Variants in ADARB2 observed in about 807,000 individuals in gnomAD.
ADARB2 encodes inactive double-stranded RNA-specific editase B2.
A neutral mutation model predicts 62.2 loss-of-function variants in ADARB2; 25 were observed. The observed-to-expected ratio is 0.40, with a 90% CI of 0.29 to 0.56. ADARB2 has a LOEUF of 0.56. ADARB2 is among the 20% of genes least tolerant of loss of function. The probability of loss-of-function intolerance (pLI) is 0.43; values close to 1 mark genes in which losing one functional copy is unlikely to be tolerated. For missense variants in ADARB2, 1,071 were observed against 1,077.4 expected (o/e 0.99, Z 0.08); for synonymous variants, 572 against 500.8 (o/e 1.14, Z -1.90).
chr10:1,269,353 G>A (rs566138660), intron 4 of ADARB2, among the ~76,000 whole-genome samples: 17 of 152,294 alleles, frequency 1.1e-4, no homozygotes, highest in African/African-American at 4.1e-4. Flanking sequence ...ACAAGGGTAG[G>A]CATTTGGTCT....
intron 1 of ADARB2, among the ~76,000 whole-genome samples, chr10:1,667,082 A>AG (rs1834325693): frequency 1.3e-5 from 2 of 152,256 alleles, no homozygotes. Context: ...CACTTACAGT[A>AG]AGTACATTTG....
At chr10:1,447,636 A>C (rs1267355369) in intron 1 of ADARB2, among the ~76,000 whole-genome samples, 1 of 151,964 alleles carries the variant, frequency 6.6e-6, no homozygotes. Flanking sequence ...ATACAGGTAA[A>C]CTTGTGTCAC....
intron 7 of ADARB2, among the ~76,000 whole-genome samples, chr10:1,208,856 A>G (rs1299436887): frequency 6.6e-6 from 1 of 152,208 alleles, no homozygotes; most frequent in East Asian, 1.9e-4. Flanking sequence ...CCATTGGCCC[A>G]GGAAGAGGGG....
chr10:1,659,660 C>T (rs1834219512), intron 1 of ADARB2, among the ~76,000 whole-genome samples: 1 of 152,250 alleles, frequency 6.6e-6, no homozygotes, highest in African/African-American at 2.4e-5. Context: ...TCGCCTATGC[C>T]CACATCTGCA....
At chr10:1,480,906 G>T (rs750708788) in intron 1 of ADARB2, among the ~76,000 whole-genome samples, 6 of 152,186 alleles carry the variant, frequency 3.9e-5, no homozygotes, top group Non-Finnish European at 7.3e-5. Context: ...GTAATCCACA[G>T]ATTCAATGTA....
chr10:1,364,871 A>ATTTT (rs35539783), intron 2 of ADARB2, among the ~76,000 whole-genome samples: 2 of 127,342 alleles, frequency 1.6e-5, no homozygotes, highest in South Asian at 2.7e-4. Context: ...CATTTTGGTA[A>ATTTT]TTTTTTTTTT....
intron 1 of ADARB2, among the ~76,000 whole-genome samples, chr10:1,728,953 A>G (rs1388354366): frequency 1.8e-4 from 28 of 152,210 alleles, no homozygotes; most frequent in Admixed American, 1.8e-3. Flanking sequence ...TGCTTATCCT[A>G]GTACTTTTCC....
chr10:1,616,578 GC>G, intron 1 of ADARB2, among the ~76,000 whole-genome samples: 2 of 143,616 alleles, frequency 1.4e-5, no homozygotes, highest in Non-Finnish European at 3.0e-5. Flanking sequence ...GCACCACCCT[GC>G]TGTGCTCTGC....
intron 1 of ADARB2, among the ~76,000 whole-genome samples, chr10:1,694,678 A>G (rs1422395826): frequency 6.6e-6 from 1 of 152,250 alleles, no homozygotes; most frequent in African/African-American, 2.4e-5. Context: ...AGATTTTGAA[A>G]TGAAACTAAA....
intron 1 of ADARB2, among the ~76,000 whole-genome samples, chr10:1,653,987 G>GC (rs1834145711): frequency 1.3e-5 from 2 of 152,114 alleles, no homozygotes; most frequent in South Asian, 4.2e-4. Flanking sequence ...GCAGGGAGAT[G>GC]CCCCACAGCT....
At chr10:1,727,336 C>T (rs1165558607) in intron 1 of ADARB2, among the ~76,000 whole-genome samples, 1 of 152,102 alleles carries the variant, frequency 6.6e-6, no homozygotes, top group African/African-American at 2.4e-5. Context: ...CTGCTCGTCT[C>T]GTCACCCCAA....
chr10:1,454,264 T>C (rs987028229), intron 1 of ADARB2, among the ~76,000 whole-genome samples: 8 of 152,154 alleles, frequency 5.3e-5, no homozygotes, highest in Non-Finnish European at 1.2e-4. Context: ...TACCTCCCAC[T>C]GGGTTGCTCC....
chr10:1,652,514 G>T (rs750991403), intron 1 of ADARB2, among the ~76,000 whole-genome samples: 2 of 152,198 alleles, frequency 1.3e-5, no homozygotes, highest in Non-Finnish European at 2.9e-5. Flanking sequence ...GGGAGGAAGA[G>T]AAACTTCCTC....
chr10:1,683,006 G>A (rs1164347501), intron 1 of ADARB2, among the ~76,000 whole-genome samples: 4 of 152,162 alleles, frequency 2.6e-5, no homozygotes, highest in African/African-American at 7.2e-5. Flanking sequence ...CGTGGTTATC[G>A]AACGTTGTCA....
At chr10:1,699,642 G>C (rs1834797764) in intron 1 of ADARB2, among the ~76,000 whole-genome samples, 1 of 90,488 alleles carries the variant, frequency 1.1e-5, no homozygotes. Flanking sequence ...ACTCCACCGG[G>C]AGACCAGGCG....
Position 1,280,232 on chromosome 10 carries a change from G to A in ADARB2, c.1078-9163C>T, listed in dbSNP as rs950284746. ...CAAATACAGCCACACTGGGAATTAG[G>A]GCTTCAACATATGAATTTCGGGGGA... is the stretch of plus-strand genomic sequence containing the variant. On this transcript the variant is annotated intron_variant, in intron 3 of 9. Coordinates refer to ENST00000381312, the MANE Select transcript of ADARB2 (RefSeq NM_018702.4). 2.6e-5 allele frequency among the ~76,000 whole-genome samples: 4 copies of A among 152,084 alleles called. No homozygotes were observed. The South Asian group carries it at 6.2e-4, about 24-fold the overall frequency.
intron 1 of ADARB2, among the ~76,000 whole-genome samples, chr10:1,573,732 G>C (rs1452438463): frequency 6.6e-6 from 1 of 152,182 alleles, no homozygotes; most frequent in Non-Finnish European, 1.5e-5. Context: ...CACCCAGCAG[G>C]ACGGTGCTCT....
At chr10:1,248,078 C>T (rs533510336) in intron 4 of ADARB2, among the ~76,000 whole-genome samples, 2 of 152,296 alleles carry the variant, frequency 1.3e-5, no homozygotes, top group South Asian at 4.1e-4. Context: ...CGGGGATGCT[C>T]CAGTAGGGGC....
intron 3 of ADARB2, among the ~76,000 whole-genome samples, chr10:1,324,859 G>T (rs904357511): frequency 6.6e-6 from 1 of 152,130 alleles, no homozygotes; most frequent in East Asian, 1.9e-4. Flanking sequence ...CTAAACAAAC[G>T]CAAGTACAAT....
Sources: gnomAD v4.1 joint callset for allele counts (sites outside exome capture counted in the v4.1 genomes callset) on GRCh38, gnomAD v4.1.1 for gene constraint, MANE v1.5 for transcripts, NCBI Gene and HGNC (gene_info 2026-07-23, HGNC 2026-07-21) for gene names.